Variants in MTMR1 observed in about 807,000 individuals in gnomAD.
MTMR1 encodes the protein myotubularin related protein 1, also known as phosphatidylinositol-3-phosphate phosphatase MTMR1.
A neutral mutation model predicts 51.6 loss-of-function variants in MTMR1; 17 were observed. That is an observed-to-expected ratio of 0.33 (90% CI 0.23 to 0.49). MTMR1 has a LOEUF of 0.49. Ranked by LOEUF, MTMR1 falls within the 20% of genes least tolerant of loss-of-function variation. MTMR1 has a pLI of 0.99. For synonymous variants in MTMR1, 201 were observed against 205.6 expected (o/e 0.98, Z 0.19); for missense variants, 386 against 526.9 (o/e 0.73, Z 2.62).
chrX:150,758,093 T>C (rs1372052808), intron 15 of MTMR1, among the ~76,000 whole-genome samples: 3 of 110,771 alleles, frequency 2.7e-5, no homozygotes, highest in African/African-American at 6.6e-5. Context: ...AATGAAGAGG[T>C]GCGCCCCTCT....
At chrX:150,707,493 C>T (rs2041152816) in intron 2 of MTMR1, among the ~76,000 whole-genome samples, 1 of 112,519 alleles carries the variant, frequency 8.9e-6, no homozygotes, top group Admixed American at 9.4e-5. Flanking sequence ...CGTTCAACAT[C>T]ATTTCTCAAT....
At chrX:150,731,443 T>C (rs782054124) in intron 8 of MTMR1, 27 bp from the exon 9 acceptor site, 1 of 1,146,106 alleles carries the variant, frequency 8.7e-7, no homozygotes, top group South Asian at 2.2e-5. Flanking sequence ...CATTTCACCC[T>C]CTTCTTCTTT....
At chrX:150,727,061 C>T in intron 4 of MTMR1, 154 bp from the exon 5 acceptor site, 2 of 338,913 alleles carry the variant, frequency 5.9e-6, no homozygotes, top group Non-Finnish European at 1.0e-5. Flanking sequence ...GACTATGCAT[C>T]TCTCTATATT....
Position 150,737,187 on chromosome X carries a change from T to C in MTMR1, c.1267-55T>C, listed in dbSNP as rs782582225. The C allele has an allele frequency of 2.1e-5, 23 of 1,099,343 alleles. No homozygotes were observed. In the East Asian group the frequency reaches 6.0e-4, roughly 29 times the overall value. The allele number at this position is 1,099,343 out of a possible 1,213,427, so 90.6% of individuals were successfully genotyped here. ...TCCCCAGAATTATTTTACATTGTTT[T>C]ACATTTAATTGAAATTCAATGTAGC... On this transcript the variant is annotated intron_variant, in intron 11 of 15. Transcript: ENST00000445323.
chrX:150,712,624 T>C lies in MTMR1; in HGVS notation c.276+259T>C, dbSNP rs1288025423. 7 of 335,467 alleles carry C rather than the reference T, an allele frequency of 2.1e-5. No individual in the cohort carries two copies. In the East Asian group the frequency reaches 3.6e-4, roughly 17 times the overall value. 27.6% of individuals were successfully genotyped at this position (335,467 alleles called of 1,213,427 possible). A position where few individuals can be genotyped will look rare whatever the true frequency, so the allele number is the denominator to read the frequency against. On this transcript the variant is annotated intron_variant, in intron 3 of 15. Transcript: ENST00000445323. ...TACCAGTGTGCAATACTGACTTTTGTTGTACTACATGAATTATGACCAAAT... is the reference window on the plus strand; with the variant it reads ...TACCAGTGTGCAATACTGACTTTTGCTGTACTACATGAATTATGACCAAAT...
chrX:150,721,285 G>T (rs1175887885), intron 4 of MTMR1, among the ~76,000 whole-genome samples: 1 of 111,650 alleles, frequency 9.0e-6, no homozygotes, highest in Non-Finnish European at 1.9e-5. Flanking sequence ...GTCAGGTTTT[G>T]GTATCAGAGT....
chrX:150,732,017 A>G (rs1557417012), intron 9 of MTMR1, among the ~76,000 whole-genome samples: 1 of 111,831 alleles, frequency 8.9e-6, no homozygotes, highest in Non-Finnish European at 1.9e-5. Flanking sequence ...GGACATCATT[A>G]CAGAAGTAGT....
At chrX:150,700,943 C>T (rs2040883534) in intron 2 of MTMR1, among the ~76,000 whole-genome samples, 1 of 112,354 alleles carries the variant, frequency 8.9e-6, no homozygotes, top group Admixed American at 9.4e-5. Flanking sequence ...TTTTCAATCT[C>T]AGTCTATTTA....
intron 2 of MTMR1, among the ~76,000 whole-genome samples, chrX:150,711,784 G>A (rs1353913792): frequency 8.9e-6 from 1 of 112,003 alleles, no homozygotes; most frequent in Non-Finnish European, 1.9e-5. Flanking sequence ...TCCCCAGTAT[G>A]AATTGGAAAT....
chrX:150,729,745 G>A (rs782634630), intron 6 of MTMR1, among the ~76,000 whole-genome samples: 29 of 111,967 alleles, frequency 2.6e-4, no homozygotes, highest in Non-Finnish European at 4.7e-4. Context: ...GGGGCCAGGC[G>A]CAGTGGCTCA....
chrX:150,762,548 G>T lies in MTMR1; in HGVS notation c.1858-17G>T. ...GAGGATGGCCTGATAATGCAGCTTT[G>T]TCTCTGCTCCCTCCAGATGCCCATT... On this transcript the variant is annotated splice_polypyrimidine_tract_variant and intron_variant, in intron 15 of 15. Transcript: ENST00000445323. 8.3e-7 allele frequency: 1 copy of T among 1,211,824 alleles called. No individual in the cohort carries two copies. The highest frequency in any genetic ancestry group is 1.1e-6 in the Non-Finnish European group (1 of 895,274).
At chrX:150,761,336 G>C (rs1379938252) in intron 15 of MTMR1, among the ~76,000 whole-genome samples, 2 of 112,082 alleles carry the variant, frequency 1.8e-5, no homozygotes, top group African/African-American at 6.5e-5. Flanking sequence ...TGGTTACTGA[G>C]CACCTTGTTA....
At chrX:150,734,108 C>G (rs1446696787) in intron 10 of MTMR1, among the ~76,000 whole-genome samples, 1 of 112,345 alleles carries the variant, frequency 8.9e-6, no homozygotes, top group Admixed American at 9.4e-5. Flanking sequence ...GCTGCCCCAG[C>G]CTTCCTGGGC....
intron 1 of MTMR1, among the ~76,000 whole-genome samples, chrX:150,698,160 A>G (rs782201240): frequency 1.8e-5 from 2 of 111,274 alleles, no homozygotes; most frequent in South Asian, 3.8e-4. Context: ...GCATGGTGGC[A>G]TGCGCCTAAA....
intron 4 of MTMR1, among the ~76,000 whole-genome samples, chrX:150,723,914 C>T (rs2041839712): frequency 8.9e-6 from 1 of 112,042 alleles, no homozygotes; most frequent in Non-Finnish European, 1.9e-5. Context: ...GACATGATCT[C>T]GTCCTTTTTT....
chrX:150,721,132 T>A (rs2041731753), intron 4 of MTMR1, among the ~76,000 whole-genome samples: 1 of 112,063 alleles, frequency 8.9e-6, no homozygotes, highest in African/African-American at 3.2e-5. Context: ...AACCTTGCAT[T>A]CCCAGGATAA....
At chrX:150,694,631 A>T (rs1557415685) in intron 1 of MTMR1, among the ~76,000 whole-genome samples, 1 of 112,334 alleles carries the variant, frequency 8.9e-6, no homozygotes. Context: ...TTTTGTTTCT[A>T]CCTCAGTGTA....
chrX:150,758,576 G>A (rs782317734), intron 15 of MTMR1, among the ~76,000 whole-genome samples: 52 of 111,587 alleles, frequency 4.7e-4, no homozygotes, highest in Non-Finnish European at 5.7e-4. Flanking sequence ...GGCAGATCAC[G>A]AGGCAGAAGT....
chrX:150,759,516 C>A (rs186897711), intron 15 of MTMR1, among the ~76,000 whole-genome samples: 2 of 100,269 alleles, frequency 2.0e-5, no homozygotes, highest in African/African-American at 6.7e-5. Context: ...CCCCCGTACC[C>A]CTGCCACGCT....
Sources: gnomAD v4.1 joint callset for allele counts (sites outside exome capture counted in the v4.1 genomes callset) on GRCh38, gnomAD v4.1.1 for gene constraint, MANE v1.5 for transcripts, NCBI Gene and HGNC (gene_info 2026-07-23, HGNC 2026-07-21) for gene names.